The following NUDCD1 variants were observed in gnomAD, a reference collection of about 807,000 sequenced individuals.
NUDCD1 encodes nudC domain-containing protein 1.
NUDCD1 carries 60 observed loss-of-function variants against 67.8 expected under a neutral mutation model. The ratio of observed to expected loss-of-function variants is 0.88; its 90% CI spans 0.72 to 1.10. NUDCD1 has a LOEUF of 1.10. Ranked by LOEUF, NUDCD1 falls within the 50% of genes least tolerant of loss-of-function variation. NUDCD1 has a pLI of 0.00. For missense variants in NUDCD1, 643 were observed against 695.0 expected (o/e 0.93, Z 0.84); for synonymous variants, 244 against 230.8 (o/e 1.06, Z -0.52).
rs1258993265 is a variant in NUDCD1, at chr8:109,286,109, A to G, written c.823+3642T>C. The stretch of plus-strand genomic sequence containing the variant: ...GGAATTCATCTAACAAGGAGGTGAA[A>G]GATCTCTACAAGGAGAATTACACAG... On this transcript the variant is annotated intron_variant, in intron 5 of 9. Coordinates refer to ENST00000239690, the MANE Select transcript of NUDCD1 (RefSeq NM_032869.4). Among the ~76,000 whole-genome samples the G allele has an allele frequency of 6.6e-5, 10 of 152,128 alleles. No homozygotes were observed. The East Asian group carries it at 1.9e-3, about 29-fold the overall frequency.
rs1175298804 is a variant in NUDCD1 at position 109,275,417 on chromosome 8, T to C, written c.1108A>G (p.Ile370Val). 1.2e-6 allele frequency: 2 copies of C among 1,613,712 alleles called. No homozygotes were observed. The highest frequency in any genetic ancestry group is 1.1e-5 in the South Asian group (1 of 91,070). The part of the protein sequence containing the change: ...LVIGDKQGEL[I>V]RDSAQCAAIA... ...GCAGCACACTGGGCTGAATCTCTTATAAGTTCCCCTTGTTTATCTCCAATT... is the reference window on the plus strand; with the variant it reads ...GCAGCACACTGGGCTGAATCTCTTACAAGTTCCCCTTGTTTATCTCCAATT... Residue 370 changes from isoleucine (I) to valine (V), a missense_variant, in exon 7 of 10, where the codon ATA becomes GTA. Physicochemically the swap from Ile to Val is conservative, Grantham distance 29. Coordinates refer to ENST00000239690, the MANE Select transcript of NUDCD1 (RefSeq NM_032869.4).
intron 2 of NUDCD1, among the ~76,000 whole-genome samples, chr8:109,312,955 A>T (rs1024510969): frequency 6.6e-6 from 1 of 152,166 alleles, no homozygotes; most frequent in Non-Finnish European, 1.5e-5. Flanking sequence ...GCTCCTTACT[A>T]ATTATAGTGT....
In NUDCD1 at chr8:109,334,087, T is replaced by G. The variant is rs112981612; in HGVS notation, c.-77A>C. On this transcript the variant is annotated 5_prime_UTR_variant, in exon 1 of 10. Transcript: ENST00000239690. ...CGCGCTTCACGCCTCGCACAGAGAC[T>G]GGGAAGCGGCGTGGTTCCCATCCCA... 1.2e-4 allele frequency: 193 copies of G among 1,595,138 alleles called. 1 individual carries two copies. The African/African-American group carries it at 2.2e-3, about 18-fold the overall frequency.
chr8:109,311,712 G>A (rs925061255), intron 2 of NUDCD1, among the ~76,000 whole-genome samples: 5 of 151,886 alleles, frequency 3.3e-5, no homozygotes, highest in African/African-American at 9.7e-5. Flanking sequence ...GTAAGTGGGA[G>A]CTAAGCTATG....
At chr8:109,318,515 C>T (rs750870399) in intron 2 of NUDCD1, among the ~76,000 whole-genome samples, 2 of 152,164 alleles carry the variant, frequency 1.3e-5, no homozygotes, top group Admixed American at 6.6e-5. Flanking sequence ...TGTCCTATCA[C>T]TTTAGTTGGC....
chr8:109,263,054 C>CAAAAAA (rs59659347), intron 8 of NUDCD1, among the ~76,000 whole-genome samples: 7,963 of 42,036 alleles, frequency 0.19, 1,310 homozygotes, highest in Non-Finnish European at 0.24. Flanking sequence ...GACTCTGTCT[C>CAAAAAA]AAAAAAAAAA....
At chr8:109,262,158 TTAAGTTAATTCTAC>T (rs1813876664) in intron 8 of NUDCD1, among the ~76,000 whole-genome samples, 2 of 152,254 alleles carry the variant, frequency 1.3e-5, no homozygotes, top group Non-Finnish European at 2.9e-5. Context: ...TCGTATTGTT[TTAAGTTAATTCTAC>T]ATTTCTCTTT....
At chr8:109,317,182 C>CA (rs903541578) in intron 2 of NUDCD1, among the ~76,000 whole-genome samples, 8 of 152,048 alleles carry the variant, frequency 5.3e-5, no homozygotes, top group African/African-American at 1.9e-4. Flanking sequence ...CATTACTGCA[C>CA]AAAAAACTGA....
chr8:109,264,622 G>C (rs1048100927), intron 8 of NUDCD1, among the ~76,000 whole-genome samples: 3 of 151,982 alleles, frequency 2.0e-5, no homozygotes, highest in African/African-American at 7.3e-5. Context: ...TTAAGAAATG[G>C]GCATGTCAAA....
chr8:109,297,548 G>A (rs1045754417), intron 2 of NUDCD1, among the ~76,000 whole-genome samples: 1 of 152,136 alleles, frequency 6.6e-6, no homozygotes, highest in Non-Finnish European at 1.5e-5. Flanking sequence ...CTTCTGTCAT[G>A]TGAGGACGTA....
chr8:109,268,396 TAGTA>T (rs1214079435), intron 8 of NUDCD1, among the ~76,000 whole-genome samples: 2 of 152,148 alleles, frequency 1.3e-5, no homozygotes, highest in African/African-American at 4.8e-5. Flanking sequence ...TTCTAGGACT[TAGTA>T]AGCAGATCCA....
At chr8:109,286,606 T>G (rs1814579924) in intron 5 of NUDCD1, among the ~76,000 whole-genome samples, 1 of 152,178 alleles carries the variant, frequency 6.6e-6, no homozygotes, top group African/African-American at 2.4e-5. Context: ...GTCCCCTACC[T>G]CTCACCATAT....
At chr8:109,279,939 T>G (rs954395226) in intron 6 of NUDCD1, among the ~76,000 whole-genome samples, 4 of 152,224 alleles carry the variant, frequency 2.6e-5, no homozygotes, top group Admixed American at 6.5e-5. Flanking sequence ...GCCACTTATG[T>G]ATTTCTTTTA....
chr8:109,276,953 G>A (rs67145203), intron 6 of NUDCD1, among the ~76,000 whole-genome samples: 14,873 of 152,066 alleles, frequency 0.098, 777 homozygotes, highest in Middle Eastern at 0.14. Context: ...GTGAGCCACC[G>A]TGCCCAGCCC....
chr8:109,263,247 C>T (rs1813914163), intron 8 of NUDCD1, among the ~76,000 whole-genome samples: 1 of 151,954 alleles, frequency 6.6e-6, no homozygotes, highest in African/African-American at 2.4e-5. Flanking sequence ...TAATGAACAA[C>T]CTTAGAAGAT....
At chr8:109,326,234 TAA>T (rs1418655019) in intron 1 of NUDCD1, among the ~76,000 whole-genome samples, 8 of 152,226 alleles carry the variant, frequency 5.3e-5, no homozygotes, top group African/African-American at 1.2e-4. Flanking sequence ...ATAATTTATA[TAA>T]GTTATTAAGA....
At chr8:109,263,948 A>G (rs913249608) in intron 8 of NUDCD1, among the ~76,000 whole-genome samples, 9 of 152,156 alleles carry the variant, frequency 5.9e-5, no homozygotes, top group African/African-American at 2.2e-4. Flanking sequence ...TACTCACTGT[A>G]AAGAAAAGGC....
chr8:109,276,108 ATTAAC>A (rs1052333166), intron 6 of NUDCD1, among the ~76,000 whole-genome samples: 2 of 152,242 alleles, frequency 1.3e-5, no homozygotes, highest in African/African-American at 4.8e-5. Flanking sequence ...TGTGTTCTCT[ATTAAC>A]TTATTTAAAA....
intron 8 of NUDCD1, among the ~76,000 whole-genome samples, chr8:109,250,032 G>C (rs1034723369): frequency 6.6e-6 from 1 of 151,760 alleles, no homozygotes; most frequent in African/African-American, 2.4e-5. Context: ...TTTTTGTAGA[G>C]ATGAGGGGTC....
Sources: gnomAD v4.1 joint callset for allele counts (sites outside exome capture counted in the v4.1 genomes callset) on GRCh38, gnomAD v4.1.1 for gene constraint, MANE v1.5 for transcripts, NCBI Gene and HGNC (gene_info 2026-07-23, HGNC 2026-07-21) for gene names.